ASTL: variants seen among roughly 807,000 people sequenced by gnomAD.
ASTL encodes the protein astacin like metalloendopeptidase, also known as astacin-like metalloendopeptidase.
ASTL carries 27 observed loss-of-function variants against 36.7 expected under a neutral mutation model. The observed-to-expected ratio is 0.73, with a 90% CI of 0.54 to 1.01. The LOEUF (loss-of-function observed/expected upper bound fraction) is 1.01, where lower values mean the gene tolerates loss of function less well. ASTL is among the 50% of genes least tolerant of loss of function. The pLI is 0.00. For synonymous variants in ASTL, 222 were observed against 228.1 expected (o/e 0.97, Z 0.24); for missense variants, 524 against 572.8 (o/e 0.91, Z 0.87).
rs978998517 is a variant in ASTL at position 96,124,556 on chromosome 2, C to T, written c.875-285G>A. Among the ~76,000 whole-genome samples, 1 of 152,152 alleles carries T rather than the reference C, an allele frequency of 6.6e-6. No individual in the cohort carries two copies. ...CTGCTGGGACACTTAAGTCACCTGA[C>T]CCAGCACCAAAGCGCCCACCTTCCG... On this transcript the variant is annotated intron_variant, in intron 8 of 8. Transcript: ENST00000342380. The surrounding 1 kb of genome is among the most constrained non-coding windows in gnomAD (Gnocchi z 4.1).
In ASTL at chr2:96,130,234, CTCA is replaced by C. The variant is rs1682147898; in HGVS notation, c.638-92_638-90del. On this transcript the variant is annotated intron_variant, in intron 6 of 8. Transcript: ENST00000342380. Reference sequence around the variant, plus strand: ...AATGGCTGGGAGAGTCTTCTGGGAGCTCATAACTCACCCAAGCTGAGGGGCTGA... The same window carrying C: ...AATGGCTGGGAGAGTCTTCTGGGAGCTAACTCACCCAAGCTGAGGGGCTGA... 9 of 1,019,218 alleles carry C rather than the reference CTCA, an allele frequency of 8.8e-6. No homozygotes were observed. In the Admixed American group the frequency reaches 1.6e-4, roughly 19 times the overall value. 63.1% of individuals were successfully genotyped at this position (1,019,218 alleles called of 1,614,324 possible).
Position 96,132,554 on chromosome 2 carries a change from T to C in ASTL, c.623A>G (p.Asn208Ser), listed in dbSNP as rs1014150375. The C allele has an allele frequency of 1.3e-6, 2 of 1,599,512 alleles. No individual in the cohort carries two copies. Among genetic ancestry groups the C allele is most frequent in the Non-Finnish European group, 1.7e-6 (2 of 1,168,796 alleles). Residue 208 changes from asparagine to serine, a missense_variant, in exon 6 of 9, where the codon AAC (asparagine) becomes AGC (serine). Asn to Ser is a conservative substitution (Grantham distance 46). Transcript: ENST00000342380. The surrounding 1 kb of genome is among the most constrained non-coding windows in gnomAD (Gnocchi z 5.4). ...DRDRYIRVNWNEILPGFEINF... is the reference protein window; with the variant it reads ...DRDRYIRVNWSEILPGFEINF... ...GCCTGGCTCACCTGGCAGGATCTCG[T>C]TCCAGTTGACACGGATATAGCGGTC...
chr2:96,137,676 G>A lies in ASTL; in HGVS notation c.80C>T (p.Ala27Val). The change falls in exon 2 of 9, where the codon GCC (alanine) becomes GTC (valine). Residue 27 changes from alanine to valine, a missense_variant. Transcript: ENST00000342380. The stretch of plus-strand genomic sequence containing the variant: ...ACCACAGGCTCCTGCGCAGCTGGAG[G>A]CCAGGGGCGCTCCTAGGATCACACC... ...LPGVILGAPLASSCAGACGTS... is the reference protein window; with the variant it reads ...LPGVILGAPLVSSCAGACGTS... 1 of 1,613,334 alleles carries A rather than the reference G, an allele frequency of 6.2e-7. No homozygotes were observed. Among genetic ancestry groups the A allele is most frequent in the Non-Finnish European group, 8.5e-7 (1 of 1,179,676 alleles).
chr2:96,129,885 G>A lies in ASTL; in HGVS notation c.813C>T (p.Asp271=), dbSNP rs1324001953. ...IGQRWNLSAS[D]ITRVLKLYGC... ...CGTAGAGTTTGAGGACCCGGGTGAT[G>A]TCCGAGGCACTCAGGTTCCATCGCT... is the stretch of plus-strand genomic sequence containing the variant. The change falls in exon 8 of 9, where the codon GAC becomes GAT. Residue 271 remains aspartate (D), a synonymous_variant. Coordinates refer to ENST00000342380, the MANE Select transcript of ASTL (RefSeq NM_001002036.4). 6.2e-7 allele frequency: 1 copy of A among 1,603,768 alleles called. No individual in the cohort carries two copies. The highest frequency in any genetic ancestry group is 8.5e-7 in the Non-Finnish European group (1 of 1,172,920).
intron 4 of ASTL, 200 bp downstream of exon 4, chr2:96,133,765 C>T: frequency 1.6e-6 from 1 of 642,912 alleles, no homozygotes. Context: ...ACCAGATCCC[C>T]ACTCGACATA....
chr2:96,123,941 G>T lies in ASTL; in HGVS notation c.1205C>A (p.Ala402Glu). The change falls in exon 9 of 9, where the codon GCA (alanine) becomes GAA (glutamate). Residue 402 changes from alanine (A) to glutamate (E), a missense_variant. Transcript: ENST00000342380. Reference protein sequence around the residue: ...STKPTVPSSEAGIQPVPVQGS... With the variant: ...STKPTVPSSEEGIQPVPVQGS... ...CTGGACAGGGACTGGCTGGATTCCT[G>T]CTTCTGAAGATGGGACTGTGGGCTT... 2 of 1,613,996 alleles carry T rather than the reference G, an allele frequency of 1.2e-6. No homozygotes were observed. The highest frequency in any genetic ancestry group is 1.7e-6 in the Non-Finnish European group (2 of 1,179,992).
At chr2:96,136,456 G>A (rs913150020) in intron 2 of ASTL, among the ~76,000 whole-genome samples, 12 of 152,268 alleles carry the variant, frequency 7.9e-5, no homozygotes, top group African/African-American at 2.7e-4. Context: ...CAGCCCTTAT[G>A]AGACAGCCTC....
At chr2:96,137,064 C>T (rs1316324144) in intron 2 of ASTL, among the ~76,000 whole-genome samples, 2 of 152,100 alleles carry the variant, frequency 1.3e-5, no homozygotes, top group East Asian at 1.9e-4. Flanking sequence ...AGGATGGTCT[C>T]GATCTCCTGA....
intron 1 of ASTL, 154 bp from the exon 2 acceptor site, chr2:96,137,854 C>T: frequency 1.3e-6 from 1 of 753,938 alleles, no homozygotes; most frequent in Non-Finnish European, 2.1e-6. Flanking sequence ...CCTTCCCAGC[C>T]TCCCTGCTCA....
chr2:96,135,399 T>C lies in ASTL; in HGVS notation c.195A>G (p.Glu65=), dbSNP rs2104776788. 6.2e-7 allele frequency: 1 copy of C among 1,614,180 alleles called. No individual in the cohort carries two copies. Among genetic ancestry groups the C allele is most frequent in the Non-Finnish European group, 8.5e-7 (1 of 1,180,020 alleles). ...IPAINQGLIL[E]ETPESSFLIE... ...TGAGGAAGCTGCTCTCTGGGGTTTC[T>C]TCCAGGATGAGCCCTGGGAAAGGAA... Residue 65 remains glutamate (E), a synonymous_variant, in exon 3 of 9, where the codon GAA becomes GAG. Transcript: ENST00000342380.
rs1261395183 is a variant in ASTL at position 96,130,107 on chromosome 2, T to C, written c.676A>G (p.Met226Val). 3 of 1,614,056 alleles carry C rather than the reference T, an allele frequency of 1.9e-6. No individual in the cohort carries two copies. In the African/African-American group the frequency reaches 4.0e-5, roughly 22 times the overall value. The change falls in exon 7 of 9, where the codon ATG (methionine) becomes GTG (valine). Residue 226 changes from methionine (M) to valine (V), a missense_variant. Met to Val is a conservative substitution (Grantham distance 21). Coordinates refer to ENST00000342380, the MANE Select transcript of ASTL (RefSeq NM_001002036.4). ...GAGGAGTAGTCATAGGGCGTCAGCA[T>C]GTTGCTGCTCTGAGACTTGATGAAG... Reference protein sequence around the residue: ...INFIKSQSSNMLTPYDYSSVM... With the variant: ...INFIKSQSSNVLTPYDYSSVM...
rs11292169 is a variant in ASTL at position 96,123,863 on chromosome 2, AT to A, written c.1282del (p.Met428CysfsTer13). The A allele has an allele frequency of 4.4e-3, 7,145 of 1,613,424 alleles. 290 individuals are homozygous for A. The African/African-American group carries it at 0.086, about 19-fold the overall frequency. On this transcript the variant is annotated frameshift_variant, in exon 9 of 9. Coordinates refer to ENST00000342380, the MANE Select transcript of ASTL (RefSeq NM_001002036.4). LOFTEE classifies it high-confidence loss of function. ...GCVPRNHFKG[M>X]SED is the part of the protein sequence containing the mutation. ...GAAGCCACAGGCTTAATCTTCGGAC[AT>A]CCCCTTGAAATGATTTCTAGGTACA...
rs376411675 is a variant in ASTL at position 96,133,510 on chromosome 2, G to C, written c.370C>G (p.Leu124Val). 6.2e-7 allele frequency: 1 copy of C among 1,614,172 alleles called. No homozygotes were observed. The highest frequency in any genetic ancestry group is 1.3e-5 in the African/African-American group (1 of 75,048). The change falls in exon 5 of 9, where the codon CTT becomes GTT. Residue 124 changes from leucine to valine, a missense_variant. By Grantham distance (32) the Leu-to-Val change is conservative. Coordinates refer to ENST00000342380, the MANE Select transcript of ASTL (RefSeq NM_001002036.4). ...CACGTGGAACGTTCAAACTCCGCAA[G>C]AGCCTCCAGGATGACCTGGCGGCTG... ...EPSRQVILEALAEFERSTCIR... is the reference protein window; with the variant it reads ...EPSRQVILEAVAEFERSTCIR...
chr2:96,135,271 T>C lies in ASTL; in HGVS notation c.243+80A>G, dbSNP rs1249472659. On this transcript the variant is annotated intron_variant, in intron 3 of 8. Transcript: ENST00000342380. ...TATGTCCCTCACACATCAGGCCCCA[T>C]GGCATCCAGGGTGGGCTCAGAGGAC... 92 of 1,191,026 alleles carry C rather than the reference T, an allele frequency of 7.7e-5. No homozygotes were observed. In the South Asian group the frequency reaches 1.1e-3, roughly 14 times the overall value. The allele number at this position is 1,191,026 out of a possible 1,614,324, so 73.8% of individuals were successfully genotyped here. A position where few individuals can be genotyped will look rare whatever the true frequency, so the allele number is the denominator to read the frequency against.
chr2:96,127,837 A>G (rs1682094876), intron 8 of ASTL, among the ~76,000 whole-genome samples: 1 of 152,126 alleles, frequency 6.6e-6, no homozygotes, highest in Non-Finnish European at 1.5e-5. Flanking sequence ...CAGCCTCCCA[A>G]AGTGCTGTGA....
intron 8 of ASTL, among the ~76,000 whole-genome samples, chr2:96,128,100 T>TG (rs35830184): frequency 0.29 from 43,552 of 151,646 alleles, 6,970 homozygotes; most frequent in East Asian, 0.43. Flanking sequence ...GGCATGGTGG[T>TG]GCGTGACTGT....
intron 3 of ASTL, among the ~76,000 whole-genome samples, chr2:96,134,308 T>G (rs1682251574): frequency 6.6e-6 from 1 of 152,204 alleles, no homozygotes; most frequent in Non-Finnish European, 1.5e-5. Flanking sequence ...AACAAGAGAT[T>G]AGTCCCTGAG....
chr2:96,127,462 T>C (rs1240096102), intron 8 of ASTL, among the ~76,000 whole-genome samples: 2 of 152,258 alleles, frequency 1.3e-5, no homozygotes, highest in African/African-American at 4.8e-5. Flanking sequence ...TTAGTGGCTA[T>C]AGAATGGTAT....
chr2:96,137,573 A>G lies in ASTL; in HGVS notation c.181+2T>C, dbSNP rs200681308. On this transcript the variant is annotated splice_donor_variant, in intron 2 of 8. Transcript: ENST00000342380. LOFTEE classifies it high-confidence loss of function. ...GGCCGTGAGAAGATGTAGTGCCCTC[A>G]CCTTGGTTAATTGCAGGAATGTCCT... 2 of 1,613,202 alleles carry G rather than the reference A, an allele frequency of 1.2e-6. No individual in the cohort carries two copies. The highest frequency in any genetic ancestry group is 3.3e-5 in the Admixed American group (2 of 59,992).
Sources: gnomAD v4.1 joint callset for allele counts (sites outside exome capture counted in the v4.1 genomes callset) on GRCh38, gnomAD v4.1.1 for gene constraint, Gnocchi (gnomAD v3.1) non-coding constraint, MANE v1.5 for transcripts, NCBI Gene and HGNC (gene_info 2026-07-23, HGNC 2026-07-21) for gene names.